ACBD6: variants seen among roughly 807,000 people sequenced by gnomAD.
ACBD6 encodes acyl-CoA-binding domain-containing protein 6.
A neutral mutation model predicts 37.2 loss-of-function variants in ACBD6; 28 were observed. The ratio of observed to expected loss-of-function variants is 0.75; its 90% confidence interval spans 0.56 to 1.03. ACBD6 has a LOEUF of 1.03. Among genes scored for constraint, ACBD6 ranks in the 50% least tolerant of loss-of-function variants. The probability of loss-of-function intolerance (pLI) is 0.00; values close to 1 mark genes in which losing one functional copy is unlikely to be tolerated. For synonymous variants in ACBD6, 113 were observed against 126.8 expected (o/e 0.89, Z 0.73); for missense variants, 340 against 337.4 (o/e 1.01, Z -0.06).
intron 6 of ACBD6, among the ~76,000 whole-genome samples, chr1:180,319,303 G>A (rs1650960198): frequency 6.6e-6 from 1 of 152,180 alleles, no homozygotes; most frequent in Non-Finnish European, 1.5e-5. Context: ...CATGAAATGA[G>A]AGAATGAATA....
chr1:180,455,688 C>T (rs1649888625), intron 3 of ACBD6, among the ~76,000 whole-genome samples: 1 of 151,810 alleles, frequency 6.6e-6, no homozygotes, highest in Non-Finnish European at 1.5e-5. Flanking sequence ...ATAGGTAATC[C>T]CCAATCTAGA....
chr1:180,458,599 T>TA (rs1487511982), intron 3 of ACBD6, among the ~76,000 whole-genome samples: 4 of 151,920 alleles, frequency 2.6e-5, no homozygotes, highest in Admixed American at 6.6e-5. Flanking sequence ...AACCAGGGCC[T>TA]AAAAAAACAA....
intron 3 of ACBD6, among the ~76,000 whole-genome samples, chr1:180,445,392 A>G (rs1343716857): frequency 2.0e-5 from 3 of 152,242 alleles, no homozygotes; most frequent in African/African-American, 4.8e-5. Flanking sequence ...GTTATAAGAA[A>G]AAGAGATAGA....
At chr1:180,402,570 G>A (rs1647415089) in intron 5 of ACBD6, among the ~76,000 whole-genome samples, 2 of 152,282 alleles carry the variant, frequency 1.3e-5, no homozygotes, top group East Asian at 3.9e-4. Flanking sequence ...CATAGTCCCA[G>A]TATTTTGGAA....
At chr1:180,419,424 G>A (rs1260464734) in intron 4 of ACBD6, among the ~76,000 whole-genome samples, 1 of 152,008 alleles carries the variant, frequency 6.6e-6, no homozygotes, top group African/African-American at 2.4e-5. Flanking sequence ...TTCTTATAAT[G>A]GTATTTAAAT....
At chr1:180,280,829 G>A (rs1649285691) in intron 9 of ACBD6, among the ~76,000 whole-genome samples, 1 of 152,124 alleles carries the variant, frequency 6.6e-6, no homozygotes, top group Admixed American at 6.5e-5. Flanking sequence ...TTCACAATGT[G>A]GCTAGGAAGG....
intron 4 of ACBD6, among the ~76,000 whole-genome samples, chr1:180,419,674 T>C (rs1207240310): frequency 6.6e-6 from 1 of 152,212 alleles, no homozygotes; most frequent in Non-Finnish European, 1.5e-5. Flanking sequence ...AAATTTTTAT[T>C]TGTGTTATAT....
intron 5 of ACBD6, among the ~76,000 whole-genome samples, chr1:180,408,912 T>C (rs1558287018): frequency 6.6e-6 from 1 of 152,028 alleles, no homozygotes; most frequent in Non-Finnish European, 1.5e-5. Flanking sequence ...ACCCTAACAC[T>C]TTGGGAGGCT....
chr1:180,468,517 T>TCAATCTGTC (rs545886261), intron 3 of ACBD6, among the ~76,000 whole-genome samples: 120 of 152,372 alleles, frequency 7.9e-4, no homozygotes, highest in African/African-American at 2.7e-3. Flanking sequence ...GTCTTCTAAT[T>TCAATCTGTC]CAATCTGTCA....
chr1:180,453,398 A>C (rs1342760930), intron 3 of ACBD6, among the ~76,000 whole-genome samples: 2 of 152,242 alleles, frequency 1.3e-5, no homozygotes, highest in Admixed American at 6.5e-5. Context: ...AATGTATCTC[A>C]AAATAATAAG....
chr1:180,466,662 TAATA>T (rs1345620982), intron 3 of ACBD6, among the ~76,000 whole-genome samples: 2 of 152,198 alleles, frequency 1.3e-5, no homozygotes, highest in African/African-American at 4.8e-5. Context: ...TACCTTTAAT[TAATA>T]GTTTGCCTAT....
chr1:180,417,224 A>T (rs1648135873), intron 4 of ACBD6, among the ~76,000 whole-genome samples: 1 of 152,154 alleles, frequency 6.6e-6, no homozygotes, highest in African/African-American at 2.4e-5. Context: ...ATTCTTTACT[A>T]AACTGATCTA....
chr1:180,414,961 C>A (rs1450397061), intron 4 of ACBD6, among the ~76,000 whole-genome samples: 1 of 152,122 alleles, frequency 6.6e-6, no homozygotes, highest in Non-Finnish European at 1.5e-5. Context: ...ATTAAAAACA[C>A]CATGTTTCGG....
chr1:180,288,397 A>G lies in ACBD6; in HGVS notation c.815T>C (p.Leu272Ser). ...GCCAGTTGTGTGCCGCTGCAGCACC[A>G]AAGAAACTGTTTTGCAGCCTGTCAC... is the stretch of plus-strand genomic sequence containing the variant. ...EEVTGCKTVS[L>S]VLQRHTTGKA The change falls in exon 8 of 8, where the codon TTG (leucine) becomes TCG (serine). Residue 272 changes from leucine (L) to serine (S), a missense_variant. Coordinates refer to ENST00000367595, the MANE Select transcript of ACBD6 (RefSeq NM_032360.4). 4 of 1,613,824 alleles carry G rather than the reference A, an allele frequency of 2.5e-6. No individual in the cohort carries two copies. The highest frequency in any genetic ancestry group is 3.4e-6 in the Non-Finnish European group (4 of 1,180,012).
At chr1:180,418,105 T>C (rs567494528) in intron 4 of ACBD6, among the ~76,000 whole-genome samples, 4 of 152,118 alleles carry the variant, frequency 2.6e-5, no homozygotes, top group South Asian at 4.1e-4. Context: ...ATAATTTTTA[T>C]ATAATCTTTA....
chr1:180,453,969 A>C (rs1649814050), intron 3 of ACBD6, among the ~76,000 whole-genome samples: 1 of 152,238 alleles, frequency 6.6e-6, no homozygotes, highest in African/African-American at 2.4e-5. Context: ...TTATAGATTC[A>C]ATGCTATCCC....
intron 6 of ACBD6, among the ~76,000 whole-genome samples, chr1:180,384,638 C>T (rs942826631): frequency 3.1e-4 from 47 of 152,292 alleles, no homozygotes; most frequent in Non-Finnish European, 5.3e-4. Context: ...CTTCAGCAAT[C>T]GCACTACTGG....
At chr1:180,430,041 A>G in intron 4 of ACBD6, 139 bp downstream of exon 4, 1 of 716,878 alleles carries the variant, frequency 1.4e-6, no homozygotes, top group Non-Finnish European at 2.3e-6. Context: ...CATGTTAAGA[A>G]GGAATGCTTC....
At chr1:180,416,887 A>G (rs779809058) in intron 4 of ACBD6, among the ~76,000 whole-genome samples, 1 of 152,224 alleles carries the variant, frequency 6.6e-6, no homozygotes, top group Non-Finnish European at 1.5e-5. Flanking sequence ...CCATTTAACT[A>G]CAAAAATTAT....
Sources: gnomAD v4.1 joint callset for allele counts (sites outside exome capture counted in the v4.1 genomes callset) on GRCh38, gnomAD v4.1.1 for gene constraint, MANE v1.5 for transcripts, NCBI Gene and HGNC (gene_info 2026-07-23, HGNC 2026-07-21) for gene names.